Variants in FAM24B observed in about 807,000 individuals in gnomAD.
FAM24B encodes protein FAM24B.
A neutral mutation model predicts 2.3 loss-of-function variants in FAM24B; 3 were observed. That is an observed-to-expected ratio of 1.29 (90% confidence interval 0.59 to 3.32). The LOEUF is 3.32. Among genes scored for constraint, FAM24B ranks in the 30% most tolerant of loss-of-function variants. The pLI is 0.03. For missense variants in FAM24B, 98 were observed against 117.2 expected (o/e 0.84, Z 0.76); for synonymous variants, 36 against 46.3 (o/e 0.78, Z 0.90).
chr10:122,867,310 G>A (rs958602209), intron 1 of FAM24B, among the ~76,000 whole-genome samples: 3 of 152,230 alleles, frequency 2.0e-5, no homozygotes, highest in Non-Finnish European at 4.4e-5. Flanking sequence ...GAACTGGGTG[G>A]AGTCCACCAC....
intron 2 of FAM24B, among the ~76,000 whole-genome samples, chr10:122,853,227 G>C (rs1847572555): frequency 6.6e-6 from 1 of 152,120 alleles, no homozygotes; most frequent in Non-Finnish European, 1.5e-5. Context: ...TTTTAAATCA[G>C]TCCTCTGCTT....
At chr10:122,873,705 G>A (rs887207978) in intron 1 of FAM24B, among the ~76,000 whole-genome samples, 1 of 152,126 alleles carries the variant, frequency 6.6e-6, no homozygotes, top group East Asian at 1.9e-4. Context: ...AGTTTCTTAA[G>A]GTGAAAGCTT....
intron 1 of FAM24B, among the ~76,000 whole-genome samples, chr10:122,873,100 G>A (rs1159346655): frequency 6.6e-6 from 1 of 152,110 alleles, no homozygotes; most frequent in Non-Finnish European, 1.5e-5. Context: ...AATTCATGAA[G>A]GTGGCCACAT....
At chr10:122,860,852 C>T (rs1847717130) in intron 1 of FAM24B, among the ~76,000 whole-genome samples, 1 of 152,020 alleles carries the variant, frequency 6.6e-6, no homozygotes, top group South Asian at 2.1e-4. Flanking sequence ...ATCTTTTTAG[C>T]TCTTTTGCTT....
intron 2 of FAM24B, among the ~76,000 whole-genome samples, chr10:122,852,683 A>C (rs1399911534): frequency 1.3e-5 from 2 of 152,214 alleles, no homozygotes; most frequent in East Asian, 3.9e-4. Context: ...CACTGATACC[A>C]CAGGGGTCAG....
intron 2 of FAM24B, among the ~76,000 whole-genome samples, chr10:122,851,145 TAATA>T (rs1847528377): frequency 6.6e-6 from 1 of 152,222 alleles, no homozygotes. Flanking sequence ...CAATTTGAGA[TAATA>T]AATTAGTTTA....
At chr10:122,872,670 G>A (rs991095454) in intron 1 of FAM24B, among the ~76,000 whole-genome samples, 14 of 151,964 alleles carry the variant, frequency 9.2e-5, no homozygotes, top group Admixed American at 2.0e-4. Flanking sequence ...ATCATTCTCA[G>A]CAAACTATCG....
intron 2 of FAM24B, among the ~76,000 whole-genome samples, chr10:122,851,890 C>A (rs1356075995): frequency 6.6e-6 from 1 of 151,852 alleles, no homozygotes; most frequent in Non-Finnish European, 1.5e-5. Context: ...TAAAAAATAC[C>A]AATAAAGATA....
At chr10:122,852,203 C>A (rs1385860905) in intron 2 of FAM24B, among the ~76,000 whole-genome samples, 2 of 152,246 alleles carry the variant, frequency 1.3e-5, no homozygotes, top group African/African-American at 4.8e-5. Flanking sequence ...ACTCTTAAGT[C>A]AACCAGAAAA....
chr10:122,857,354 T>C (rs185008950), intron 1 of FAM24B, among the ~76,000 whole-genome samples: 38 of 152,302 alleles, frequency 2.5e-4, no homozygotes, highest in African/African-American at 8.9e-4. Flanking sequence ...TCAGAGAACT[T>C]TGCCTACCAT....
At chr10:122,876,586 C>A (rs1307824171) in intron 1 of FAM24B, among the ~76,000 whole-genome samples, 1 of 152,202 alleles carries the variant, frequency 6.6e-6, no homozygotes, top group African/African-American at 2.4e-5. Flanking sequence ...CAGCATCCAG[C>A]AAGTCATCAA....
intron 2 of FAM24B, among the ~76,000 whole-genome samples, chr10:122,854,979 G>A (rs941438254): frequency 2.6e-5 from 4 of 152,150 alleles, no homozygotes; most frequent in Non-Finnish European, 4.4e-5. Context: ...CTCCCTACTT[G>A]ACCCAGTTCC....
chr10:122,870,454 G>C (rs1847876112), intron 1 of FAM24B, among the ~76,000 whole-genome samples: 1 of 152,158 alleles, frequency 6.6e-6, no homozygotes, highest in Admixed American at 6.5e-5. Flanking sequence ...GCATCATTCT[G>C]ATACCAAAGC....
chr10:122,876,757 G>A (rs1227247792), intron 1 of FAM24B, among the ~76,000 whole-genome samples: 1 of 152,178 alleles, frequency 6.6e-6, no homozygotes. Flanking sequence ...GGCTGTTAAT[G>A]TTCCATTTGT....
chr10:122,866,675 T>G (rs1751538148), intron 1 of FAM24B, among the ~76,000 whole-genome samples: 1 of 152,168 alleles, frequency 6.6e-6, no homozygotes, highest in African/African-American at 2.4e-5. Flanking sequence ...GCCATTGTTT[T>G]GGTCCACCAT....
At chr10:122,871,334 T>C (rs1163196166) in intron 1 of FAM24B, among the ~76,000 whole-genome samples, 1 of 152,122 alleles carries the variant, frequency 6.6e-6, no homozygotes, top group Non-Finnish European at 1.5e-5. Context: ...GTAGGAAGAA[T>C]CAATATTGTG....
At chr10:122,878,964 C>T (rs1043545288) in intron 1 of FAM24B, among the ~76,000 whole-genome samples, 22 of 152,128 alleles carry the variant, frequency 1.4e-4, no homozygotes, top group African/African-American at 5.3e-4. Flanking sequence ...TCAAAGTTAA[C>T]TTATGACTAC....
chr10:122,857,559 C>T (rs1409798100), intron 1 of FAM24B, among the ~76,000 whole-genome samples: 1 of 152,192 alleles, frequency 6.6e-6, no homozygotes, highest in Non-Finnish European at 1.5e-5. Flanking sequence ...CATTCAAATA[C>T]GTTTATAAAA....
At chr10:122,856,784 T>C (rs917172937) in intron 1 of FAM24B, among the ~76,000 whole-genome samples, 1 of 152,168 alleles carries the variant, frequency 6.6e-6, no homozygotes. Flanking sequence ...CAAAGAGATG[T>C]AGACAGTGAT....
Sources: allele counts gnomAD v4.1 joint callset (sites outside exome capture counted in the v4.1 genomes callset), GRCh38; gene constraint gnomAD v4.1.1; transcripts MANE v1.5; gene names NCBI Gene and HGNC (gene_info 2026-07-23, HGNC 2026-07-21).